Variants in GRIK1 observed in about 807,000 individuals in gnomAD.
GRIK1 encodes the protein glutamate ionotropic receptor kainate type subunit 1.
In GRIK1, 69 loss-of-function variants were observed where a neutral mutation model predicts 105.7. That is an observed-to-expected ratio of 0.65 (90% CI 0.54 to 0.80). The LOEUF is 0.80. Among genes scored for constraint, GRIK1 ranks in the 30% least tolerant of loss-of-function variants. The pLI is 0.00. For synonymous variants in GRIK1, 438 were observed against 431.3 expected, an observed-to-expected ratio of 1.02 and a Z score of -0.19; for missense variants, 1,109 against 1,167.3, an observed-to-expected ratio of 0.95 and a Z score of 0.73.
chr21:29,719,081 CATATATAT>C (rs71335089), intron 1 of GRIK1, among the ~76,000 whole-genome samples: 1 of 143,328 alleles, frequency 7.0e-6, no homozygotes, highest in Non-Finnish European at 1.5e-5. Flanking sequence ...TGTGTATATA[CATATATAT>C]ATATATATAT....
chr21:29,544,591 A>G (rs2090022335), intron 16 of GRIK1, among the ~76,000 whole-genome samples: 1 of 152,204 alleles, frequency 6.6e-6, no homozygotes, highest in Non-Finnish European at 1.5e-5. Flanking sequence ...AGAAAGAAAA[A>G]AGACTCAAAT....
intron 1 of GRIK1, among the ~76,000 whole-genome samples, chr21:29,924,697 A>G (rs1450322992): frequency 1.3e-5 from 2 of 152,082 alleles, no homozygotes; most frequent in East Asian, 3.9e-4. Context: ...TCTTGTCATT[A>G]TTTAAAACTA....
intron 4 of GRIK1, 123 bp from the exon 5 acceptor site, chr21:29,654,986 C>CTCAGCAGA: frequency 1.4e-6 from 1 of 716,412 alleles, no homozygotes; most frequent in South Asian, 1.6e-5. Flanking sequence ...AATCCACAAA[C>CTCAGCAGA]TCAGCAGATC....
At chr21:29,687,368 A>G (rs768255195) in intron 3 of GRIK1, among the ~76,000 whole-genome samples, 7 of 152,196 alleles carry the variant, frequency 4.6e-5, no homozygotes, top group Non-Finnish European at 8.8e-5. Context: ...TGTGATAATT[A>G]CTAAAGGCAA....
chr21:29,647,503 T>A (rs2080757020), intron 6 of GRIK1, among the ~76,000 whole-genome samples: 2 of 152,228 alleles, frequency 1.3e-5, no homozygotes, highest in Admixed American at 1.3e-4. Context: ...GGGAAATGTT[T>A]ACAGGCAAGA....
At chr21:29,722,599 C>A (rs2064350874) in intron 1 of GRIK1, among the ~76,000 whole-genome samples, 1 of 151,090 alleles carries the variant, frequency 6.6e-6, no homozygotes, top group East Asian at 1.9e-4. Flanking sequence ...AAAAAAACTC[C>A]CAAACTAATA....
intron 1 of GRIK1, among the ~76,000 whole-genome samples, chr21:29,795,540 A>C (rs569956841): frequency 3.3e-5 from 5 of 152,230 alleles, no homozygotes; most frequent in African/African-American, 9.6e-5. Flanking sequence ...CATTAGACCA[A>C]TATTATTACT....
At chr21:29,898,489 G>C (rs1302876588) in intron 1 of GRIK1, among the ~76,000 whole-genome samples, 4 of 152,142 alleles carry the variant, frequency 2.6e-5, no homozygotes, top group Non-Finnish European at 5.9e-5. Flanking sequence ...TAATAAGCTT[G>C]GTCTTAGACT....
At chr21:29,792,348 G>T in intron 1 of GRIK1, among the ~76,000 whole-genome samples, 1 of 152,174 alleles carries the variant, frequency 6.6e-6, no homozygotes, top group Non-Finnish European at 1.5e-5. Context: ...TTCAGTGTTA[G>T]GAAAGTGCTC....
intron 4 of GRIK1, among the ~76,000 whole-genome samples, chr21:29,662,253 A>C (rs915387750): frequency 6.6e-6 from 1 of 152,250 alleles, no homozygotes; most frequent in Admixed American, 6.5e-5. Flanking sequence ...AACAGATGAG[A>C]TTATGCTATT....
At chr21:29,925,138 G>C (rs2071318985) in intron 1 of GRIK1, among the ~76,000 whole-genome samples, 1 of 152,224 alleles carries the variant, frequency 6.6e-6, no homozygotes, top group Non-Finnish European at 1.5e-5. Flanking sequence ...ACAAATGTAT[G>C]AAACACACCA....
intron 7 of GRIK1, among the ~76,000 whole-genome samples, chr21:29,637,793 T>C (rs1173545424): frequency 6.6e-6 from 1 of 152,206 alleles, no homozygotes; most frequent in African/African-American, 2.4e-5. Context: ...ACCAAGAAAC[T>C]CAGCCTTGGT....
intron 4 of GRIK1, among the ~76,000 whole-genome samples, chr21:29,660,279 A>G (rs1290228096): frequency 6.6e-6 from 1 of 152,196 alleles, no homozygotes; most frequent in Non-Finnish European, 1.5e-5. Context: ...CACCAAGGCC[A>G]TATTTTAGTT....
chr21:29,543,946 G>A (rs1056676916), intron 16 of GRIK1, among the ~76,000 whole-genome samples: 16 of 152,114 alleles, frequency 1.1e-4, no homozygotes, highest in African/African-American at 1.9e-4. Flanking sequence ...CCTTTTTCCC[G>A]TGTTTGCTAA....
At chr21:29,923,515 AC>A in intron 1 of GRIK1, among the ~76,000 whole-genome samples, 1 of 152,238 alleles carries the variant, frequency 6.6e-6, no homozygotes, top group East Asian at 1.9e-4. Context: ...AATGAAATAT[AC>A]CATGGAGTTA....
chr21:29,827,106 A>G (rs541897231), intron 1 of GRIK1, among the ~76,000 whole-genome samples: 1 of 152,272 alleles, frequency 6.6e-6, no homozygotes, highest in South Asian at 2.1e-4. Context: ...CTCATCTTCA[A>G]TTAAAAAATT....
intron 1 of GRIK1, among the ~76,000 whole-genome samples, chr21:29,921,919 A>G (rs1017665820): frequency 6.6e-6 from 1 of 152,162 alleles, no homozygotes; most frequent in Non-Finnish European, 1.5e-5. Context: ...ACAATCTAAG[A>G]ATAATTTTGC....
Position 29,896,344 on chromosome 21 carries a change from C to T in GRIK1, c.118+43039G>A, listed in dbSNP as rs755104052. Among the ~76,000 whole-genome samples, 4 of 152,120 alleles carry T rather than the reference C, an allele frequency of 2.6e-5. No individual in the cohort carries two copies. The East Asian group carries it at 5.8e-4, about 22-fold the overall frequency. On this transcript the variant is annotated intron_variant, in intron 1 of 17. Coordinates refer to ENST00000327783, the MANE Select transcript of GRIK1 (RefSeq NM_001330994.2). Reference sequence around the variant, plus strand: ...TTCAGTATCACACTGCAATATTTTCCTTCTCTGCTTCATTCTTTCCCCTTA... The same window carrying T: ...TTCAGTATCACACTGCAATATTTTCTTTCTCTGCTTCATTCTTTCCCCTTA...
chr21:29,686,072 T>A (rs940116975), intron 3 of GRIK1, among the ~76,000 whole-genome samples: 1 of 152,216 alleles, frequency 6.6e-6, no homozygotes, highest in Non-Finnish European at 1.5e-5. Context: ...GATTCTACCC[T>A]TTTGTCCAAT....
Sources: gnomAD v4.1 joint callset for allele counts (sites outside exome capture counted in the v4.1 genomes callset) on GRCh38, gnomAD v4.1.1 for gene constraint, MANE v1.5 for transcripts, NCBI Gene and HGNC (gene_info 2026-07-23, HGNC 2026-07-21) for gene names.